Variants in CSMD1 observed in about 807,000 individuals in gnomAD.
The protein encoded by CSMD1 is CUB and Sushi multiple domains 1.
Under a neutral mutation model 417.5 loss-of-function variants are expected in CSMD1, and 213 were observed. The ratio of observed to expected loss-of-function variants is 0.51; its 90% CI spans 0.46 to 0.57. CSMD1 has a LOEUF of 0.57. CSMD1 is among the 20% of genes least tolerant of loss of function. CSMD1 has a pLI of 0.00. For synonymous variants in CSMD1, 2,862 were observed against 1,736.8 expected (o/e 1.65, Z -16.11); for missense variants, 6,923 against 4,529.7 (o/e 1.53, Z -15.17).
chr8:3,689,227 A>C (rs1412889490), intron 7 of CSMD1, among the ~76,000 whole-genome samples: 1 of 152,140 alleles, frequency 6.6e-6, no homozygotes, highest in African/African-American at 2.4e-5. Context: ...CCCACCTTCT[A>C]ACTTATCCAC....
chr8:2,954,609 C>G (rs550601000), intron 64 of CSMD1, among the ~76,000 whole-genome samples: 47 of 152,250 alleles, frequency 3.1e-4, no homozygotes, highest in African/African-American at 1.1e-3. Context: ...GGTAACACCC[C>G]ACCCAAATAA....
intron 2 of CSMD1, among the ~76,000 whole-genome samples, chr8:4,582,401 G>A (rs1413247101): frequency 6.6e-6 from 1 of 152,160 alleles, no homozygotes; most frequent in African/African-American, 2.4e-5. Flanking sequence ...GATTATCAGG[G>A]CTGCAACAAC....
Position 4,385,493 on chromosome 8 carries a change from CT to C in CSMD1, c.415+34459del, listed in dbSNP as rs200531192. 2.6e-5 allele frequency among the ~76,000 whole-genome samples: 4 copies of C among 152,220 alleles called. No individual in the cohort carries two copies. The East Asian group carries it at 7.7e-4, about 29-fold the overall frequency. Reference sequence around the variant, plus strand: ...TCATATTTAAAATAGATATTTGGAGCTTAGTACTACCGTATTAGTAGTCTTA... The same window carrying C: ...TCATATTTAAAATAGATATTTGGAGCTAGTACTACCGTATTAGTAGTCTTA... On this transcript the variant is annotated intron_variant, in intron 3 of 69. Transcript: ENST00000635120.
chr8:4,232,333 G>C (rs968016635), intron 3 of CSMD1, among the ~76,000 whole-genome samples: 1 of 152,022 alleles, frequency 6.6e-6, no homozygotes, highest in Non-Finnish European at 1.5e-5. Context: ...CTAGTACCTG[G>C]GATTACAGGC....
intron 12 of CSMD1, among the ~76,000 whole-genome samples, chr8:3,463,569 C>T (rs1235125224): frequency 1.3e-5 from 2 of 152,188 alleles, no homozygotes; most frequent in Non-Finnish European, 2.9e-5. Context: ...GTATTGGCTT[C>T]ATGCTCACAA....
chr8:4,450,288 G>C (rs1056811414), intron 2 of CSMD1, among the ~76,000 whole-genome samples: 2 of 152,156 alleles, frequency 1.3e-5, no homozygotes, highest in African/African-American at 2.4e-5. Context: ...GGAGAAAGCT[G>C]TGCACTGTTT....
chr8:2,996,421 A>G (rs1294134621), intron 54 of CSMD1, among the ~76,000 whole-genome samples: 1 of 152,232 alleles, frequency 6.6e-6, no homozygotes, highest in Non-Finnish European at 1.5e-5. Context: ...TAATGCTGTT[A>G]TTAAGTAAAG....
chr8:4,418,289 G>T (rs576741892), intron 3 of CSMD1, among the ~76,000 whole-genome samples: 1 of 152,170 alleles, frequency 6.6e-6, no homozygotes, highest in South Asian at 2.1e-4. Flanking sequence ...TTTCTAGAAA[G>T]TTTTTCAGTT....
intron 3 of CSMD1, among the ~76,000 whole-genome samples, chr8:4,390,972 T>A (rs978874908): frequency 6.6e-6 from 1 of 152,202 alleles, no homozygotes; most frequent in Non-Finnish European, 1.5e-5. Context: ...AAACAGATTC[T>A]GTAACTTTCT....
intron 5 of CSMD1, among the ~76,000 whole-genome samples, chr8:3,765,875 T>G (rs1057471212): frequency 6.6e-6 from 1 of 152,174 alleles, no homozygotes. Context: ...TGACAGCACT[T>G]GTGAGAGATA....
intron 2 of CSMD1, among the ~76,000 whole-genome samples, chr8:4,466,287 A>G (rs1002877749): frequency 6.6e-6 from 1 of 152,160 alleles, no homozygotes; most frequent in Admixed American, 6.5e-5. Flanking sequence ...ATGAGGAAGA[A>G]AACAGAGGAG....
At chr8:3,752,058 T>TC (rs1313054409) in intron 6 of CSMD1, among the ~76,000 whole-genome samples, 1 of 152,120 alleles carries the variant, frequency 6.6e-6, no homozygotes, top group East Asian at 1.9e-4. Context: ...CATGGAGTCT[T>TC]CCTCATTCAA....
In CSMD1 at chr8:3,369,282, C is replaced by G; in HGVS notation, c.2871G>C (p.Thr957=). 1.3e-6 allele frequency: 2 copies of G among 1,589,716 alleles called. No individual in the cohort carries two copies. Among genetic ancestry groups the G allele is most frequent in the East Asian group, 2.2e-5 (1 of 44,706 alleles). The change falls in exon 19 of 70, where the codon ACG becomes ACC. Residue 957 remains threonine, a synonymous_variant. Transcript: ENST00000635120. ...PDFYPNSLNC[T]WTIEVSHGKG... Reference sequence around the variant, plus strand: ...TCCCATGAGACACTTCAATGGTCCACGTGCAGTTTAGAGAGTTTGGATAAA... The same window carrying G: ...TCCCATGAGACACTTCAATGGTCCAGGTGCAGTTTAGAGAGTTTGGATAAA...
At chr8:3,871,529 G>A (rs375660840) in intron 5 of CSMD1, among the ~76,000 whole-genome samples, 2 of 151,992 alleles carry the variant, frequency 1.3e-5, no homozygotes, top group South Asian at 2.1e-4. Flanking sequence ...AATAATGCTT[G>A]ATTTTAATTT....
chr8:4,774,150 A>G (rs1042365476), intron 1 of CSMD1, among the ~76,000 whole-genome samples: 11 of 152,208 alleles, frequency 7.2e-5, no homozygotes, highest in Non-Finnish European at 1.6e-4. Context: ...CAGTGAGCCA[A>G]TATCGTGCCA....
chr8:3,053,920 A>C (rs1812041209), intron 49 of CSMD1, among the ~76,000 whole-genome samples: 1 of 152,228 alleles, frequency 6.6e-6, no homozygotes, highest in African/African-American at 2.4e-5. Context: ...CAGATAGTTC[A>C]AATTTTTCCC....
At chr8:3,716,165 G>C (rs1801820883) in intron 6 of CSMD1, among the ~76,000 whole-genome samples, 1 of 152,148 alleles carries the variant, frequency 6.6e-6, no homozygotes, top group Non-Finnish European at 1.5e-5. Context: ...GCCGCTCCTT[G>C]TTCACAGGGA....
At chr8:4,535,833 GA>G (rs1353450046) in intron 2 of CSMD1, among the ~76,000 whole-genome samples, 1 of 152,144 alleles carries the variant, frequency 6.6e-6, no homozygotes, top group Non-Finnish European at 1.5e-5. Context: ...AATACATCGT[GA>G]GTTCACACTC....
At position 3,104,542 on chromosome 8, in the gene CSMD1, C is replaced by CA. The variant is rs201566928; in HGVS notation, c.6949+1985dup. Among the ~76,000 whole-genome samples, 45 of 147,974 alleles carry CA rather than the reference C, an allele frequency of 3.0e-4. 2 individuals are homozygous for CA. The highest frequency in any genetic ancestry group is 1.7e-3 in the Admixed American group (25 of 14,900). On this transcript the variant is annotated intron_variant, in intron 46 of 69. Transcript: ENST00000635120. ...TACAACTTCAATGTTAATATTTTTT[C>CA]AAAAAAAAAATCTAAGTTATTATGG...
Sources: allele counts gnomAD v4.1 joint callset (sites outside exome capture counted in the v4.1 genomes callset), GRCh38; gene constraint gnomAD v4.1.1; transcripts MANE v1.5; gene names NCBI Gene and HGNC (gene_info 2026-07-23, HGNC 2026-07-21).